ATG5: variants seen among roughly 807,000 people sequenced by gnomAD.
The protein encoded by ATG5 is autophagy protein 5.
A neutral mutation model predicts 36.5 loss-of-function variants in ATG5; 14 were observed. The observed-to-expected ratio is 0.38, with a 90% CI of 0.25 to 0.60. ATG5 has a LOEUF of 0.60. Among genes scored for constraint, ATG5 ranks in the 20% least tolerant of loss-of-function variants. The pLI, the probability that ATG5 is intolerant of heterozygous loss-of-function variation, is 0.60. For missense variants in ATG5, 195 were observed against 326.7 expected, an observed-to-expected ratio of 0.60 and a Z score of 3.11; for synonymous variants, 95 against 101.5, an observed-to-expected ratio of 0.94 and a Z score of 0.38.
At chr6:106,212,677 A>C (rs961421394) in intron 6 of ATG5, among the ~76,000 whole-genome samples, 31 of 152,300 alleles carry the variant, frequency 2.0e-4, no homozygotes, top group South Asian at 4.1e-4. Flanking sequence ...AAAAAACCCT[A>C]TTGGCAATTA....
intron 5 of ATG5, among the ~76,000 whole-genome samples, chr6:106,260,041 A>AG (rs1223530981): frequency 6.6e-6 from 1 of 152,118 alleles, no homozygotes; most frequent in African/African-American, 2.4e-5. Context: ...TCTCACTCAT[A>AG]GGGGGGAACT....
At chr6:106,212,660 A>C (rs1776902411) in intron 6 of ATG5, among the ~76,000 whole-genome samples, 1 of 152,206 alleles carries the variant, frequency 6.6e-6, no homozygotes, top group African/African-American at 2.4e-5. Context: ...AAAACAAAAC[A>C]AAACTCAAAA....
intron 2 of ATG5, among the ~76,000 whole-genome samples, chr6:106,314,350 A>C (rs1770761658): frequency 6.6e-6 from 1 of 152,172 alleles, no homozygotes; most frequent in African/African-American, 2.4e-5. Flanking sequence ...TAAGGTCAGG[A>C]GTTTGAGACC....
At chr6:106,239,768 T>G (rs907695045) in intron 6 of ATG5, among the ~76,000 whole-genome samples, 1 of 152,226 alleles carries the variant, frequency 6.6e-6, no homozygotes, top group African/African-American at 2.4e-5. Context: ...CTGCCTATTT[T>G]TGCAAATAAA....
rs1054044042 is a variant in ATG5, at chr6:106,316,003, A to G, written c.108+98T>C. On this transcript the variant is annotated intron_variant, in intron 2 of 7. Coordinates refer to ENST00000369076, the MANE Select transcript of ATG5 (RefSeq NM_004849.4). ...TCCAAAATAAGCATGAATTAGCTGT[A>G]TCTAAAACGTTACATAATGGCCTCC... 23 of 922,254 alleles carry G rather than the reference A, an allele frequency of 2.5e-5. No individual in the cohort carries two copies. In the African/African-American group the frequency reaches 3.4e-4, roughly 14 times the overall value. 57.1% of individuals were successfully genotyped at this position (922,254 alleles called of 1,614,324 possible).
intron 6 of ATG5, among the ~76,000 whole-genome samples, chr6:106,221,878 A>C (rs1444162371): frequency 2.0e-5 from 3 of 152,116 alleles, no homozygotes. Flanking sequence ...TAGCATAATA[A>C]AAATATGAGT....
rs1170759901 is a variant in ATG5 at position 106,185,184 on chromosome 6, C to A, written c.*1356G>T. Reference sequence around the variant, plus strand: ...AAATGTGCTATTAATCAGTGAAAATCGCAAAAGGAAAAAGAAAAGGAAGCA... The same window carrying A: ...AAATGTGCTATTAATCAGTGAAAATAGCAAAAGGAAAAAGAAAAGGAAGCA... On this transcript the variant is annotated 3_prime_UTR_variant, in exon 8 of 8. Coordinates refer to ENST00000369076, the MANE Select transcript of ATG5 (RefSeq NM_004849.4). The A allele has an allele frequency of 2.6e-5, 4 of 152,522 alleles. No individual in the cohort carries two copies. Among genetic ancestry groups the A allele is most frequent in the Admixed American group, 6.6e-5 (1 of 15,250 alleles). 9.4% of individuals were successfully genotyped at this position (152,522 alleles called of 1,614,324 possible). A position where few individuals can be genotyped will look rare whatever the true frequency, so the allele number is the denominator to read the frequency against.
chr6:106,321,472 C>T (rs1771066865), intron 1 of ATG5, among the ~76,000 whole-genome samples: 1 of 152,092 alleles, frequency 6.6e-6, no homozygotes, highest in South Asian at 2.1e-4. Flanking sequence ...CATTCTCCTG[C>T]CTCAGCCTCC....
chr6:106,248,156 T>A lies in ATG5; in HGVS notation c.567A>T (p.Ile189=). ...ENGFRYIPFR[I]YQTTTERPFI... ...TTAAAATGTTATTTCCTACCTGATATATTCTAAAGGGGATATAACGAAATC... is the reference window on the plus strand; with the variant it reads ...TTAAAATGTTATTTCCTACCTGATAAATTCTAAAGGGGATATAACGAAATC... The change falls in exon 6 of 8, where the codon ATA becomes ATT. Residue 189 remains isoleucine (I), a synonymous_variant. Transcript: ENST00000369076. 1 of 1,594,554 alleles carries A rather than the reference T, an allele frequency of 6.3e-7. No individual in the cohort carries two copies. The highest frequency in any genetic ancestry group is 8.6e-7 in the Non-Finnish European group (1 of 1,162,438).
intron 5 of ATG5, among the ~76,000 whole-genome samples, chr6:106,268,623 A>G (rs1400591553): frequency 6.6e-6 from 1 of 152,148 alleles, no homozygotes; most frequent in African/African-American, 2.4e-5. Context: ...CTTGGAACCA[A>G]CCCAAATGCC....
chr6:106,278,119 T>A (rs1779733998), intron 5 of ATG5, among the ~76,000 whole-genome samples: 1 of 152,070 alleles, frequency 6.6e-6, no homozygotes, highest in Non-Finnish European at 1.5e-5. Context: ...TTTAGATTTT[T>A]TTGCAGTGAT....
At chr6:106,189,646 T>TAA (rs10688186) in intron 7 of ATG5, among the ~76,000 whole-genome samples, 15,034 of 143,354 alleles carry the variant, frequency 0.1, 796 homozygotes, top group South Asian at 0.16. Flanking sequence ...AATAAAACAG[T>TAA]AAAAAAAAAA....
intron 7 of ATG5, among the ~76,000 whole-genome samples, chr6:106,189,907 TGAA>T (rs1393551063): frequency 1.3e-5 from 2 of 152,110 alleles, no homozygotes; most frequent in Non-Finnish European, 2.9e-5. Context: ...AAAAATCAAG[TGAA>T]CTAGTTCTAT....
At chr6:106,239,734 G>A (rs1197274370) in intron 6 of ATG5, among the ~76,000 whole-genome samples, 1 of 152,212 alleles carries the variant, frequency 6.6e-6, no homozygotes, top group African/African-American at 2.4e-5. Context: ...AGTAAACTAT[G>A]GCCCACTGGC....
chr6:106,291,349 C>T (rs762676066), intron 4 of ATG5, among the ~76,000 whole-genome samples: 25 of 152,232 alleles, frequency 1.6e-4, no homozygotes, highest in Admixed American at 3.3e-4. Context: ...ACAACTAGTA[C>T]AGTGAGGTAC....
At chr6:106,296,370 C>A (rs1490639783) in intron 3 of ATG5, among the ~76,000 whole-genome samples, 3 of 152,156 alleles carry the variant, frequency 2.0e-5, no homozygotes, top group South Asian at 4.1e-4. Flanking sequence ...GAACTTATTT[C>A]ATCATTATTT....
chr6:106,216,444 CA>C (rs1447907835), intron 6 of ATG5, among the ~76,000 whole-genome samples: 1 of 151,862 alleles, frequency 6.6e-6, no homozygotes, highest in Non-Finnish European at 1.5e-5. Context: ...ATACATGCTA[CA>C]AAATGAATGA....
chr6:106,207,924 T>A (rs1193927310), intron 6 of ATG5, among the ~76,000 whole-genome samples: 2 of 152,084 alleles, frequency 1.3e-5, no homozygotes, highest in Admixed American at 1.3e-4. Flanking sequence ...AAACCTGATC[T>A]CTACTAAAAA....
chr6:106,230,785 T>C (rs1031000565), intron 6 of ATG5, among the ~76,000 whole-genome samples: 1 of 152,156 alleles, frequency 6.6e-6, no homozygotes, highest in Non-Finnish European at 1.5e-5. Flanking sequence ...GGCAACGATA[T>C]ACTCTTTAAG....
Sources: allele counts gnomAD v4.1 joint callset (sites outside exome capture counted in the v4.1 genomes callset), GRCh38; gene constraint gnomAD v4.1.1; transcripts MANE v1.5; gene names NCBI Gene and HGNC (gene_info 2026-07-23, HGNC 2026-07-21).